The following SLC8A1 variants were observed in gnomAD, a reference collection of about 807,000 sequenced individuals.
SLC8A1 encodes solute carrier family 8 member A1.
A neutral mutation model predicts 68.3 loss-of-function variants in SLC8A1; 18 were observed. That is an observed-to-expected ratio of 0.26 (90% CI 0.18 to 0.39). The LOEUF (loss-of-function observed/expected upper bound fraction) is 0.39, where lower values mean the gene tolerates loss of function less well. Ranked by LOEUF, SLC8A1 falls within the 10% of genes least tolerant of loss-of-function variation. The pLI is 1.00. For missense variants in SLC8A1, 985 were observed against 1,156.7 expected (o/e 0.85, Z 2.15); for synonymous variants, 475 against 415.5 (o/e 1.14, Z -1.74).
chr2:40,443,238 C>A (rs750372024), intron 1 of SLC8A1, among the ~76,000 whole-genome samples: 11 of 152,132 alleles, frequency 7.2e-5, no homozygotes, highest in Non-Finnish European at 1.6e-4. Context: ...AACCTGAACA[C>A]TCTGCACATA....
At chr2:40,233,633 G>A (rs1036499088) in intron 2 of SLC8A1, among the ~76,000 whole-genome samples, 1 of 138,796 alleles carries the variant, frequency 7.2e-6, no homozygotes, top group Non-Finnish European at 1.6e-5. Context: ...GGCTTTTGTT[G>A]TCATTGCTTT....
intron 6 of SLC8A1, 104 bp downstream of exon 9, chr2:40,160,661 A>T: frequency 1.1e-6 from 1 of 932,382 alleles, no homozygotes; most frequent in South Asian, 1.4e-5. Context: ...TAATTTTGCC[A>T]TGGAAGCCCT....
intron 2 of SLC8A1, among the ~76,000 whole-genome samples, chr2:40,317,283 T>C (rs2074590467): frequency 6.6e-6 from 1 of 152,098 alleles, no homozygotes; most frequent in African/African-American, 2.4e-5. Context: ...CTCAGATTGA[T>C]GCAAGGCAGT....
At chr2:40,184,466 A>C (rs2050248897) in intron 2 of SLC8A1, among the ~76,000 whole-genome samples, 1 of 152,208 alleles carries the variant, frequency 6.6e-6, no homozygotes, top group Admixed American at 6.5e-5. Context: ...CGGTCTCTGC[A>C]GGCAACCTTA....
At chr2:40,382,111 T>C (rs1039138164) in intron 2 of SLC8A1, among the ~76,000 whole-genome samples, 1 of 152,112 alleles carries the variant, frequency 6.6e-6, no homozygotes, top group African/African-American at 2.4e-5. Context: ...AACACACATT[T>C]CTCTACTGTA....
At chr2:40,136,122 A>G (rs888579397) in intron 7 of SLC8A1, among the ~76,000 whole-genome samples, 1 of 152,208 alleles carries the variant, frequency 6.6e-6, no homozygotes, top group Admixed American at 6.5e-5. Flanking sequence ...GCTTACTCCA[A>G]CATTTAAAGG....
chr2:40,145,057 T>C (rs1029528130), intron 6 of SLC8A1, among the ~76,000 whole-genome samples: 1 of 152,170 alleles, frequency 6.6e-6, no homozygotes, highest in Non-Finnish European at 1.5e-5. Context: ...CTTTGACCTA[T>C]GTCTCTCATT....
chr2:40,117,762 A>G lies in SLC8A1; in HGVS notation c.2438-2133T>C, dbSNP rs1428189522. 2.0e-5 allele frequency among the ~76,000 whole-genome samples: 3 copies of G among 152,278 alleles called. No individual in the cohort carries two copies. In the East Asian group the frequency reaches 5.8e-4, roughly 29 times the overall value. On this transcript the variant is annotated intron_variant, in intron 7 of 7. Transcript: ENST00000406785. ...CTCTGAGCATGTATGTAGTTGTACG[A>G]TACCTGTACTAGTCTCTCCCCTCTG...
At chr2:40,151,090 G>A (rs571571558) in intron 6 of SLC8A1, among the ~76,000 whole-genome samples, 1 of 152,172 alleles carries the variant, frequency 6.6e-6, no homozygotes, top group South Asian at 2.1e-4. Context: ...GAATACTTAA[G>A]AACACTGAGA....
At chr2:40,371,146 G>A (rs1051532509) in intron 2 of SLC8A1, among the ~76,000 whole-genome samples, 2 of 152,026 alleles carry the variant, frequency 1.3e-5, no homozygotes, top group African/African-American at 2.4e-5. Context: ...GTGGTCCCTG[G>A]CCCAGCCCCT....
chr2:40,437,333 G>A (rs1212980721), intron 1 of SLC8A1, among the ~76,000 whole-genome samples: 1 of 152,094 alleles, frequency 6.6e-6, no homozygotes, highest in Non-Finnish European at 1.5e-5. Context: ...AGCTCATCAA[G>A]GAGCCTCACA....
chr2:40,134,097 G>GT (rs11314046), intron 7 of SLC8A1, among the ~76,000 whole-genome samples: 533 of 36,004 alleles, frequency 0.015, 2 homozygotes, highest in Non-Finnish European at 0.027. Flanking sequence ...GTTTGTTTGT[G>GT]TTTTTTTTTT....
At chr2:40,356,532 A>T (rs1027472751) in intron 2 of SLC8A1, among the ~76,000 whole-genome samples, 1 of 152,206 alleles carries the variant, frequency 6.6e-6, no homozygotes, top group African/African-American at 2.4e-5. Flanking sequence ...AAGAAAAAAA[A>T]AACTGCCTTT....
intron 2 of SLC8A1, 48 bp downstream of exon 2, chr2:40,428,423 CCA>C (rs3838567): frequency 0.26 from 357,253 of 1,369,502 alleles, 13,642 homozygotes; most frequent in Non-Finnish European, 0.28. Flanking sequence ...ACACACTGAA[CCA>C]CACACACACA....
chr2:40,331,697 G>A (rs1036099678), intron 2 of SLC8A1, among the ~76,000 whole-genome samples: 3 of 151,916 alleles, frequency 2.0e-5, no homozygotes, highest in South Asian at 2.1e-4. Context: ...GGGTTCAAGC[G>A]ATTCTCCTGC....
intron 7 of SLC8A1, chr2:40,123,280 G>T (rs983864475): frequency 6.6e-6 from 1 of 152,226 alleles, no homozygotes; most frequent in African/African-American, 2.4e-5. Context: ...CAATGGTAAA[G>T]CAGCTGATCG....
At chr2:40,134,677 G>T (rs915291553) in intron 7 of SLC8A1, among the ~76,000 whole-genome samples, 1 of 152,044 alleles carries the variant, frequency 6.6e-6, no homozygotes, top group Non-Finnish European at 1.5e-5. Context: ...CTTAACTGTC[G>T]CTAGAAGTTA....
At chr2:40,389,927 T>TAGAC (rs1161197776) in intron 2 of SLC8A1, among the ~76,000 whole-genome samples, 2 of 151,080 alleles carry the variant, frequency 1.3e-5, no homozygotes, top group African/African-American at 4.9e-5. Context: ...TTCCAATTTA[T>TAGAC]AGACACACAC....
intron 2 of SLC8A1, among the ~76,000 whole-genome samples, chr2:40,198,153 G>C (rs2053452823): frequency 6.6e-6 from 1 of 151,978 alleles, no homozygotes; most frequent in Non-Finnish European, 1.5e-5. Flanking sequence ...TTTCTAAAAT[G>C]AATGTGTGTT....
Sources: gnomAD v4.1 joint callset for allele counts (sites outside exome capture counted in the v4.1 genomes callset) on GRCh38, gnomAD v4.1.1 for gene constraint, MANE v1.5 for transcripts, NCBI Gene and HGNC (gene_info 2026-07-23, HGNC 2026-07-21) for gene names.